The following TADA2A variants were observed in gnomAD, a reference collection of about 807,000 sequenced individuals.
TADA2A encodes transcriptional adaptor 2A, also known as transcriptional adapter 2-alpha.
In TADA2A, 38 loss-of-function variants were observed where a neutral mutation model predicts 67.4. That is an observed-to-expected ratio of 0.56 (90% CI 0.44 to 0.74). TADA2A has a LOEUF of 0.74. Among genes scored for constraint, TADA2A ranks in the 30% least tolerant of loss-of-function variants. TADA2A has a pLI of 0.00. For synonymous variants in TADA2A, 192 were observed against 181.6 expected (o/e 1.06, Z -0.46); for missense variants, 454 against 547.0 (o/e 0.83, Z 1.70).
intron 8 of TADA2A, among the ~76,000 whole-genome samples, chr17:37,452,069 T>C (rs955998030): frequency 3.3e-5 from 5 of 152,068 alleles, no homozygotes; most frequent in African/African-American, 1.2e-4. Flanking sequence ...TCCTATTAAA[T>C]TCATCTTACT....
At chr17:37,415,634 CTT>C (rs777814576) in intron 2 of TADA2A, among the ~76,000 whole-genome samples, 2 of 149,640 alleles carry the variant, frequency 1.3e-5, no homozygotes, top group African/African-American at 2.6e-5. Context: ...AATCCCAGAA[CTT>C]TGGGAGGCCG....
At chr17:37,426,012 C>T (rs1225796196) in intron 3 of TADA2A, among the ~76,000 whole-genome samples, 1 of 151,134 alleles carries the variant, frequency 6.6e-6, no homozygotes, top group Non-Finnish European at 1.5e-5. Flanking sequence ...TCTTGCTCTG[C>T]TGTTCAGCCT....
At chr17:37,461,220 G>A (rs1026136445) in intron 9 of TADA2A, among the ~76,000 whole-genome samples, 57 of 152,098 alleles carry the variant, frequency 3.7e-4, no homozygotes, top group African/African-American at 1.3e-3. Context: ...AATAGGGATC[G>A]CGCTCCTGTG....
chr17:37,417,420 C>T (rs959643662), intron 2 of TADA2A, among the ~76,000 whole-genome samples: 1 of 152,082 alleles, frequency 6.6e-6, no homozygotes, highest in East Asian at 1.9e-4. Flanking sequence ...ACCTGTAGTC[C>T]CAGATACTAG....
intron 2 of TADA2A, among the ~76,000 whole-genome samples, chr17:37,419,066 G>A (rs967418323): frequency 4.1e-5 from 6 of 146,350 alleles, no homozygotes; most frequent in African/African-American, 1.5e-4. Flanking sequence ...ATATTATATA[G>A]AAGAAAGGTT....
intron 2 of TADA2A, among the ~76,000 whole-genome samples, chr17:37,423,171 C>T (rs1423304674): frequency 6.6e-6 from 1 of 152,148 alleles, no homozygotes; most frequent in Non-Finnish European, 1.5e-5. Context: ...TTTCAGGTTA[C>T]AGTGAGCTAT....
At chr17:37,471,759 G>T (rs2053791883) in intron 14 of TADA2A, among the ~76,000 whole-genome samples, 1 of 152,110 alleles carries the variant, frequency 6.6e-6, no homozygotes, top group South Asian at 2.1e-4. Context: ...ACCCACCACG[G>T]CCTCCCAAAG....
chr17:37,445,055 A>T (rs892976127), intron 8 of TADA2A, among the ~76,000 whole-genome samples: 5 of 152,212 alleles, frequency 3.3e-5, no homozygotes, highest in African/African-American at 4.8e-5. Context: ...AATTGGTTAA[A>T]TGGCCCTCAC....
chr17:37,458,683 G>A (rs1010045506), intron 9 of TADA2A, 96 bp downstream of exon 9: 14 of 1,066,758 alleles, frequency 1.3e-5, no homozygotes, highest in Admixed American at 4.1e-5. Context: ...GTCTGTGTCT[G>A]TGTCTGTGAG....
In TADA2A at chr17:37,440,367, A is replaced by G. The variant is rs1597890745; in HGVS notation, c.285-138A>G. 5.0e-6 allele frequency: 5 copies of G among 994,600 alleles called. No individual in the cohort carries two copies. In the East Asian group the frequency reaches 1.3e-4, roughly 26 times the overall value. 61.6% of individuals were successfully genotyped at this position (994,600 alleles called of 1,614,324 possible). A position where few individuals can be genotyped will look rare whatever the true frequency, so the allele number is the denominator to read the frequency against. On this transcript the variant is annotated intron_variant, in intron 5 of 15. Transcript: ENST00000615182. ...TTATATTTATGTCATTTTTCTGCTG[A>G]TATCTTTTTGATATCAATTTGGAAA...
chr17:37,429,836 A>G (rs973751415), intron 4 of TADA2A, among the ~76,000 whole-genome samples: 10 of 152,154 alleles, frequency 6.6e-5, no homozygotes, highest in Admixed American at 6.6e-4. Flanking sequence ...CAGTCTTTTA[A>G]TGGCTTCAGT....
chr17:37,455,174 A>G (rs972018014), intron 8 of TADA2A, among the ~76,000 whole-genome samples: 16 of 152,152 alleles, frequency 1.1e-4, no homozygotes, highest in Admixed American at 2.6e-4. Context: ...CAATCATTCA[A>G]TCTCAAGGTG....
At chr17:37,437,968 T>TC (rs1445689003) in intron 5 of TADA2A, 139 bp downstream of exon 5, 1 of 744,366 alleles carries the variant, frequency 1.3e-6, no homozygotes, top group Non-Finnish European at 2.3e-6. Flanking sequence ...GGCAAGTTAG[T>TC]CCCCTCTGTA....
chr17:37,440,419 C>A, intron 5 of TADA2A, 86 bp from the exon 6 acceptor site: 2 of 1,476,654 alleles, frequency 1.4e-6, no homozygotes, highest in Non-Finnish European at 1.8e-6. Context: ...ATGGATGTGA[C>A]TTAAAATATG....
chr17:37,476,756 T>A (rs1410856465), intron 15 of TADA2A, 41 bp from the exon 16 acceptor site: 79 of 1,570,470 alleles, frequency 5.0e-5, no homozygotes, highest in Non-Finnish European at 6.7e-5. Flanking sequence ...ATTACAAAAA[T>A]GACAGATGTT....
intron 14 of TADA2A, among the ~76,000 whole-genome samples, chr17:37,474,151 A>T (rs1214089012): frequency 6.6e-6 from 1 of 152,156 alleles, no homozygotes; most frequent in Non-Finnish European, 1.5e-5. Context: ...AGGCAGGAGG[A>T]TCACTTGAGC....
At chr17:37,411,241 TC>T in intron 1 of TADA2A, 27 bp from the exon 2 acceptor site, 1 of 820,540 alleles carries the variant, frequency 1.2e-6, no homozygotes, top group Non-Finnish European at 2.1e-6. Flanking sequence ...GATTTTCTGA[TC>T]CATGTGCCAC....
chr17:37,445,296 C>T (rs1331885204), intron 8 of TADA2A, among the ~76,000 whole-genome samples: 1 of 152,182 alleles, frequency 6.6e-6, no homozygotes, highest in Non-Finnish European at 1.5e-5. Context: ...GACGGAGTCT[C>T]ACTCTGTTAC....
rs370702854 is a variant in TADA2A at position 37,442,675 on chromosome 17, A to G, written c.531+23A>G. ...GAGGTAGGATAAATGTGTTTTTAGC[A>G]CAAAGTAGGAAAAATTCATTTTTGT... On this transcript the variant is annotated intron_variant, in intron 7 of 15. Transcript: ENST00000615182. The G allele has an allele frequency of 8.0e-4, 1,282 of 1,608,168 alleles. 3 individuals carry two copies. Among genetic ancestry groups the G allele is most frequent in the Non-Finnish European group, 9.7e-4 (1,136 of 1,175,532 alleles).
Sources: gnomAD v4.1 joint callset for allele counts (sites outside exome capture counted in the v4.1 genomes callset) on GRCh38, gnomAD v4.1.1 for gene constraint, MANE v1.5 for transcripts, NCBI Gene and HGNC (gene_info 2026-07-23, HGNC 2026-07-21) for gene names.